ARGLU1: variants seen among roughly 807,000 people sequenced by gnomAD.
The protein encoded by ARGLU1 is arginine and glutamate rich 1.
In ARGLU1, 9 loss-of-function variants were observed where a neutral mutation model predicts 37.6. The observed-to-expected ratio is 0.24, with a 90% CI of 0.14 to 0.42. ARGLU1 has a LOEUF of 0.42. Ranked by LOEUF, ARGLU1 falls within the 10% of genes least tolerant of loss-of-function variation. ARGLU1 has a pLI of 1.00. For synonymous variants in ARGLU1, 166 were observed against 138.5 expected, an observed-to-expected ratio of 1.20 and a Z score of -1.39; for missense variants, 211 against 359.2, an observed-to-expected ratio of 0.59 and a Z score of 3.34.
At chr13:106,548,189 A>G (rs1880443314) in intron 3 of ARGLU1, among the ~76,000 whole-genome samples, 2 of 152,222 alleles carry the variant, frequency 1.3e-5, no homozygotes, top group South Asian at 2.1e-4. Flanking sequence ...AAAAAAAAAG[A>G]CTATTCAAAC....
At chr13:106,563,660 G>A (rs891121218) in intron 1 of ARGLU1, among the ~76,000 whole-genome samples, 25 of 152,064 alleles carry the variant, frequency 1.6e-4, no homozygotes, top group African/African-American at 5.6e-4. Flanking sequence ...ATAAATAAAT[G>A]AATACATATT....
intron 3 of ARGLU1, among the ~76,000 whole-genome samples, chr13:106,548,395 T>C (rs564775453): frequency 2.6e-5 from 4 of 152,330 alleles, no homozygotes; most frequent in Admixed American, 6.5e-5. Context: ...CCATTGCTCC[T>C]TTCCCTGCTT....
rs570775729 is a variant in ARGLU1 at position 106,554,767 on chromosome 13, C to T, written c.657+2281G>A. On this transcript the variant is annotated intron_variant, in intron 3 of 3. Coordinates refer to ENST00000400198, the MANE Select transcript of ARGLU1 (RefSeq NM_018011.4). ...AGGTGTGGTGGTGGGCACCTGTAGT[C>T]CCAGCTACTCAGGAGGCTGAGGCAG... is the stretch of plus-strand genomic sequence containing the variant. Among the ~76,000 whole-genome samples, 25 of 151,908 alleles carry T rather than the reference C, an allele frequency of 1.6e-4. No individual in the cohort carries two copies. The South Asian group carries it at 5.0e-3, about 30-fold the overall frequency.
chr13:106,544,917 T>G (rs964806827), intron 3 of ARGLU1, among the ~76,000 whole-genome samples: 6 of 152,250 alleles, frequency 3.9e-5, no homozygotes, highest in African/African-American at 1.4e-4. Context: ...CTGATTCCAC[T>G]CCTGCAGTGC....
intron 2 of ARGLU1, chr13:106,558,393 C>T: frequency 1.0e-6 from 1 of 985,380 alleles, no homozygotes; most frequent in East Asian, 1.1e-4. Context: ...AATATGTCAA[C>T]TTGTCCACAA....
At chr13:106,566,252 G>C (rs1880960000) in intron 1 of ARGLU1, among the ~76,000 whole-genome samples, 1 of 152,174 alleles carries the variant, frequency 6.6e-6, no homozygotes, top group Admixed American at 6.5e-5. Flanking sequence ...AACAGCTCCA[G>C]GTACAGCTTC....
chr13:106,546,631 G>C (rs954936572), intron 3 of ARGLU1, among the ~76,000 whole-genome samples: 12 of 152,130 alleles, frequency 7.9e-5, no homozygotes, highest in African/African-American at 2.7e-4. Flanking sequence ...GTGTGCAACT[G>C]AATCAAGATG....
chr13:106,549,471 G>C (rs1303616413), intron 3 of ARGLU1, among the ~76,000 whole-genome samples: 2 of 152,094 alleles, frequency 1.3e-5, no homozygotes, highest in Non-Finnish European at 2.9e-5. Context: ...AAATATATTT[G>C]ATACGATTAG....
intron 3 of ARGLU1, among the ~76,000 whole-genome samples, chr13:106,548,910 G>C (rs774591704): frequency 6.6e-6 from 1 of 152,046 alleles, no homozygotes; most frequent in African/African-American, 2.4e-5. Context: ...CACAACGCCC[G>C]GCTCCTTTTT....
At position 106,562,905 on chromosome 13, in the gene ARGLU1, C is replaced by T. The variant is rs145933923; in HGVS notation, c.348-3248G>A. Reference sequence around the variant, plus strand: ...GCGGGTGCCTGCAGTCCCAGCTACTCGGGAGGCTGAGGCAGGAGAATGAGC... The same window carrying T: ...GCGGGTGCCTGCAGTCCCAGCTACTTGGGAGGCTGAGGCAGGAGAATGAGC... On this transcript the variant is annotated intron_variant, in intron 1 of 3. Coordinates refer to ENST00000400198, the MANE Select transcript of ARGLU1 (RefSeq NM_018011.4). 5.6e-3 allele frequency among the ~76,000 whole-genome samples: 816 copies of T among 144,628 alleles called. 15 individuals carry two copies. Among genetic ancestry groups the T allele is most frequent in the East Asian group, 0.043 (199 of 4,630 alleles). The allele number at this position is 144,628 out of a possible 152,430, so 94.9% of individuals were successfully genotyped here.
At chr13:106,544,257 A>T (rs974595340) in intron 3 of ARGLU1, 97 bp from the exon 4 acceptor site, 10 of 1,105,586 alleles carry the variant, frequency 9.0e-6, no homozygotes, top group Admixed American at 3.2e-5. Context: ...CTACAAAAAA[A>T]TTTTTAATGC....
intron 3 of ARGLU1, among the ~76,000 whole-genome samples, chr13:106,553,001 C>T (rs1435834341): frequency 6.6e-6 from 1 of 152,118 alleles, no homozygotes; most frequent in African/African-American, 2.4e-5. Context: ...CTAACACATT[C>T]CTTATTAGTC....
At chr13:106,564,526 T>C (rs773059293) in intron 1 of ARGLU1, among the ~76,000 whole-genome samples, 1 of 152,192 alleles carries the variant, frequency 6.6e-6, no homozygotes, top group Non-Finnish European at 1.5e-5. Context: ...CTAACTAGAT[T>C]TCTTGTAAGG....
At chr13:106,545,192 A>G (rs1474169831) in intron 3 of ARGLU1, among the ~76,000 whole-genome samples, 2 of 152,204 alleles carry the variant, frequency 1.3e-5, no homozygotes, top group African/African-American at 4.8e-5. Context: ...ATCCTATAAT[A>G]TGGAAGACAG....
At chr13:106,547,880 A>C (rs1358605291) in intron 3 of ARGLU1, among the ~76,000 whole-genome samples, 1 of 152,200 alleles carries the variant, frequency 6.6e-6, no homozygotes, top group East Asian at 1.9e-4. Flanking sequence ...TTTTAAAGTA[A>C]AGCAACTTCC....
At chr13:106,558,771 A>C (rs529663583) in intron 2 of ARGLU1, 1 of 985,326 alleles carries the variant, frequency 1.0e-6, no homozygotes, top group South Asian at 4.7e-5. Context: ...GAAAAAAAGG[A>C]GTTGTTAGTA....
At position 106,555,017 on chromosome 13, in the gene ARGLU1, T is replaced by C. The variant is rs564408673; in HGVS notation, c.657+2031A>G. Reference sequence around the variant, plus strand: ...TCTCAAATCCAAGCCTCTTTTTCCCTAAGATATGTTTTTTACTGAAGTTTA... The same window carrying C: ...TCTCAAATCCAAGCCTCTTTTTCCCCAAGATATGTTTTTTACTGAAGTTTA... On this transcript the variant is annotated intron_variant, in intron 3 of 3. Coordinates refer to ENST00000400198, the MANE Select transcript of ARGLU1 (RefSeq NM_018011.4). 2.0e-5 allele frequency among the ~76,000 whole-genome samples: 3 copies of C among 152,270 alleles called. No individual in the cohort carries two copies. The East Asian group carries it at 5.8e-4, about 29-fold the overall frequency.
At position 106,543,282 on chromosome 13, in the gene ARGLU1, CTCTT is replaced by C. The variant is rs1017272685; in HGVS notation, c.*710_*713del. 8 of 152,478 alleles carry C rather than the reference CTCTT, an allele frequency of 5.2e-5. No individual in the cohort carries two copies. The highest frequency in any genetic ancestry group is 2.6e-4 in the Admixed American group (4 of 15,274). 9.4% of individuals were successfully genotyped at this position (152,478 alleles called of 1,614,324 possible). On this transcript the variant is annotated 3_prime_UTR_variant, in exon 4 of 4. Transcript: ENST00000400198. ...GTTGACCATCAAAAAGTGAACCACCCTCTTTAAGACTTAACATAACATTAAAAAA... is the reference window on the plus strand; with the variant it reads ...GTTGACCATCAAAAAGTGAACCACCCTAAGACTTAACATAACATTAAAAAA...
intron 3 of ARGLU1, among the ~76,000 whole-genome samples, chr13:106,552,209 C>T (rs900856612): frequency 6.6e-6 from 1 of 152,192 alleles, no homozygotes; most frequent in Non-Finnish European, 1.5e-5. Context: ...AGATAACAAA[C>T]TGGTGAGATA....
Sources: allele counts gnomAD v4.1 joint callset (sites outside exome capture counted in the v4.1 genomes callset), GRCh38; gene constraint gnomAD v4.1.1; transcripts MANE v1.5; gene names NCBI Gene and HGNC (gene_info 2026-07-23, HGNC 2026-07-21).